GBE1: variants seen among roughly 807,000 people sequenced by gnomAD.
GBE1 encodes 1,4-alpha-glucan-branching enzyme.
Under a neutral mutation model 88.8 loss-of-function variants are expected in GBE1, and 70 were observed. The observed-to-expected ratio is 0.79, with a 90% confidence interval of 0.65 to 0.96. The LOEUF (loss-of-function observed/expected upper bound fraction) is 0.96. Among genes scored for constraint, GBE1 ranks in the 40% least tolerant of loss-of-function variants. GBE1 has a pLI of 0.00. For missense variants in GBE1, 872 were observed against 871.0 expected, an observed-to-expected ratio of 1.00 and a Z score of -0.01; for synonymous variants, 284 against 300.1, an observed-to-expected ratio of 0.95 and a Z score of 0.56.
At chr3:81,666,688 C>G (rs1184002049) in intron 3 of GBE1, among the ~76,000 whole-genome samples, 1 of 152,126 alleles carries the variant, frequency 6.6e-6, no homozygotes, top group African/African-American at 2.4e-5. Flanking sequence ...AATGCCATGC[C>G]TTGGCTTTCC....
At position 81,631,579 on chromosome 3, in the gene GBE1, CA is replaced by C. The variant is rs562649713; in HGVS notation, c.992+11201del. ...GTGAAACCCCGTCTCTACTAAAATA[CA>C]AAAAAAAAAACAAAAAATTAGCCAG... is the stretch of plus-strand genomic sequence containing the variant. On this transcript the variant is annotated intron_variant, in intron 7 of 15. Coordinates refer to ENST00000429644, the MANE Select transcript of GBE1 (RefSeq NM_000158.4). Among the ~76,000 whole-genome samples the C allele has an allele frequency of 4.0e-3, 554 of 139,568 alleles. 2 individuals are homozygous for C. Among genetic ancestry groups the C allele is most frequent in the Non-Finnish European group, 6.0e-3 (378 of 63,464 alleles). 91.6% of individuals were successfully genotyped at this position (139,568 alleles called of 152,430 possible).
At chr3:81,750,573 A>G (rs1422852348) in intron 1 of GBE1, among the ~76,000 whole-genome samples, 1 of 64,408 alleles carries the variant, frequency 1.6e-5, no homozygotes. Context: ...GTATATATAT[A>G]TACGTATATA....
chr3:81,607,155 G>A (rs1263848983), intron 7 of GBE1, among the ~76,000 whole-genome samples: 1 of 152,124 alleles, frequency 6.6e-6, no homozygotes, highest in East Asian at 1.9e-4. Flanking sequence ...ACAGTGCCTT[G>A]TTATTTTATT....
At chr3:81,611,839 G>A (rs1704186359) in intron 7 of GBE1, among the ~76,000 whole-genome samples, 1 of 152,102 alleles carries the variant, frequency 6.6e-6, no homozygotes, top group African/African-American at 2.4e-5. Context: ...ATATAACTAA[G>A]ACATAGTTTG....
chr3:81,650,085 G>T, intron 3 of GBE1, 164 bp from the exon 4 acceptor site: 1 of 517,070 alleles, frequency 1.9e-6, no homozygotes, highest in Non-Finnish European at 3.4e-6. Context: ...ATCAATGTTG[G>T]TTTTCTCATC....
At chr3:81,716,228 A>C (rs1705935121) in intron 1 of GBE1, among the ~76,000 whole-genome samples, 1 of 152,186 alleles carries the variant, frequency 6.6e-6, no homozygotes, top group Non-Finnish European at 1.5e-5. Context: ...AGTGCAATGA[A>C]AATTGGCTAC....
chr3:81,589,028 A>G (rs1703839618), intron 9 of GBE1, among the ~76,000 whole-genome samples: 1 of 151,162 alleles, frequency 6.6e-6, no homozygotes, highest in African/African-American at 2.5e-5. Flanking sequence ...TTCTTTTAAA[A>G]TTTTTAAGAA....
intron 7 of GBE1, among the ~76,000 whole-genome samples, chr3:81,634,750 C>T (rs535123866): frequency 2.0e-5 from 3 of 152,048 alleles, no homozygotes; most frequent in Non-Finnish European, 4.4e-5. Context: ...ACAAATATAC[C>T]ACTAAAATTT....
chr3:81,695,917 T>C (rs1356163318), intron 2 of GBE1, among the ~76,000 whole-genome samples: 1 of 152,198 alleles, frequency 6.6e-6, no homozygotes, highest in Non-Finnish European at 1.5e-5. Flanking sequence ...AAGTCATTTT[T>C]TCAGGAGTCC....
chr3:81,552,520 T>TG (rs1559642778), intron 12 of GBE1, among the ~76,000 whole-genome samples: 2 of 55,826 alleles, frequency 3.6e-5, no homozygotes, highest in African/African-American at 1.3e-4. Context: ...CTATCTTATA[T>TG]AAAAAAAAAA....
chr3:81,502,926 A>T lies in GBE1; in HGVS notation c.1935-3699T>A, dbSNP rs575420844. On this transcript the variant is annotated intron_variant, in intron 14 of 15. Coordinates refer to ENST00000429644, the MANE Select transcript of GBE1 (RefSeq NM_000158.4). ...GTTTCCAATACATAGCACACAAAAT[A>T]AATTTAGCAGGACACCTTAAAAGGT... is the stretch of plus-strand genomic sequence containing the variant. Among the ~76,000 whole-genome samples the T allele has an allele frequency of 3.3e-5, 5 of 152,334 alleles. No homozygotes were observed. In the South Asian group the frequency reaches 1.0e-3, roughly 32 times the overall value.
intron 14 of GBE1, among the ~76,000 whole-genome samples, chr3:81,528,175 C>A (rs896879343): frequency 5.4e-4 from 74 of 136,050 alleles, no homozygotes; most frequent in African/African-American, 1.9e-3. Context: ...AATGAGAACA[C>A]ATGGACACAG....
At chr3:81,752,247 A>G (rs929238203) in intron 1 of GBE1, among the ~76,000 whole-genome samples, 2 of 152,204 alleles carry the variant, frequency 1.3e-5, no homozygotes, top group Non-Finnish European at 2.9e-5. Flanking sequence ...ACTTTTTCTA[A>G]TTAATATGCA....
intron 1 of GBE1, among the ~76,000 whole-genome samples, chr3:81,735,835 C>A (rs897262944): frequency 6.6e-6 from 1 of 152,124 alleles, no homozygotes; most frequent in Non-Finnish European, 1.5e-5. Context: ...CAAGTTTCTA[C>A]TCCACACAGC....
chr3:81,680,905 C>T (rs1466344588), intron 2 of GBE1, among the ~76,000 whole-genome samples: 1 of 152,248 alleles, frequency 6.6e-6, no homozygotes. Flanking sequence ...GCACCCTGAT[C>T]GCAGGCTTCC....
At chr3:81,490,611 T>A in intron 15 of GBE1, 148 bp from the exon 16 acceptor site, 2 of 692,974 alleles carry the variant, frequency 2.9e-6, no homozygotes, top group Non-Finnish European at 5.1e-6. Flanking sequence ...AAGGCTCAAT[T>A]TCACAGTTCC....
chr3:81,496,560 G>A (rs1446669000), intron 15 of GBE1, among the ~76,000 whole-genome samples: 1 of 152,172 alleles, frequency 6.6e-6, no homozygotes. Flanking sequence ...GCAAGTATGG[G>A]AGGTATGAGT....
intron 6 of GBE1, among the ~76,000 whole-genome samples, chr3:81,644,391 A>G (rs1420292879): frequency 6.6e-6 from 1 of 152,184 alleles, no homozygotes; most frequent in Non-Finnish European, 1.5e-5. Context: ...GCATAATAAT[A>G]TCTAAGGGTA....
intron 7 of GBE1, among the ~76,000 whole-genome samples, chr3:81,617,763 C>T (rs1704270136): frequency 6.6e-6 from 1 of 151,746 alleles, no homozygotes; most frequent in Non-Finnish European, 1.5e-5. Flanking sequence ...TTCTTTTTCT[C>T]TTTTCTGGAA....
Sources: gnomAD v4.1 joint callset for allele counts (sites outside exome capture counted in the v4.1 genomes callset) on GRCh38, gnomAD v4.1.1 for gene constraint, MANE v1.5 for transcripts, NCBI Gene and HGNC (gene_info 2026-07-23, HGNC 2026-07-21) for gene names.